Variants in AMPH observed in about 807,000 individuals in gnomAD.
AMPH encodes amphiphysin (Stiff-Mann syndrome with breast cancer 128kD autoantigen).
AMPH carries 49 observed loss-of-function variants against 99.1 expected under a neutral mutation model. That is an observed-to-expected ratio of 0.49 (90% confidence interval 0.39 to 0.63). The LOEUF is 0.63. Among genes scored for constraint, AMPH ranks in the 20% least tolerant of loss-of-function variants. The pLI is 0.00. For synonymous variants in AMPH, 314 were observed against 317.3 expected (o/e 0.99, Z 0.11); for missense variants, 759 against 863.4 (o/e 0.88, Z 1.52).
chr7:38,482,989 G>A (rs1017231378), intron 5 of AMPH, among the ~76,000 whole-genome samples: 2 of 152,020 alleles, frequency 1.3e-5, no homozygotes, highest in Non-Finnish European at 2.9e-5. Context: ...CTTAACCCTT[G>A]GCAAGTGCAA....
intron 2 of AMPH, among the ~76,000 whole-genome samples, chr7:38,523,107 TA>T (rs60807450): frequency 0.37 from 49,679 of 132,612 alleles, 9,018 homozygotes; most frequent in Non-Finnish European, 0.44. Context: ...AAACTCTGTC[TA>T]AAAAAAAAAA....
intron 3 of AMPH, among the ~76,000 whole-genome samples, chr7:38,497,057 G>A (rs1788958401): frequency 6.6e-6 from 1 of 152,188 alleles, no homozygotes. Context: ...GATAAGTGGT[G>A]ATGGATCATT....
chr7:38,538,678 C>A (rs143599894), intron 1 of AMPH, among the ~76,000 whole-genome samples: 13 of 152,132 alleles, frequency 8.5e-5, no homozygotes, highest in African/African-American at 3.1e-4. Flanking sequence ...AAGCAATAAA[C>A]GACAGAACCG....
At chr7:38,488,255 C>G (rs1229961908) in intron 5 of AMPH, among the ~76,000 whole-genome samples, 2 of 152,088 alleles carry the variant, frequency 1.3e-5, no homozygotes, top group African/African-American at 4.8e-5. Context: ...TTCACAACAG[C>G]AAAGACTTGG....
At chr7:38,566,542 C>T (rs1180195253) in intron 1 of AMPH, among the ~76,000 whole-genome samples, 1 of 152,088 alleles carries the variant, frequency 6.6e-6, no homozygotes, top group Non-Finnish European at 1.5e-5. Context: ...CCAAAATAGA[C>T]AAATGGGATC....
intron 2 of AMPH, among the ~76,000 whole-genome samples, chr7:38,517,115 T>C (rs1384732289): frequency 2.0e-5 from 3 of 152,232 alleles, no homozygotes; most frequent in Non-Finnish European, 2.9e-5. Flanking sequence ...GAGTTAATGC[T>C]GAAATGAGTT....
chr7:38,548,763 G>A (rs552562230), intron 1 of AMPH, among the ~76,000 whole-genome samples: 3 of 152,356 alleles, frequency 2.0e-5, no homozygotes, highest in African/African-American at 7.2e-5. Flanking sequence ...ACAAAAGATT[G>A]GTTGGACAAG....
intron 2 of AMPH, among the ~76,000 whole-genome samples, chr7:38,506,864 T>C (rs1789344494): frequency 6.6e-6 from 1 of 152,228 alleles, no homozygotes; most frequent in Non-Finnish European, 1.5e-5. Context: ...TGCTTTAGGA[T>C]TCTGCTGTAC....
At chr7:38,429,332 CCAGTCAG>C (rs1562748317) in intron 14 of AMPH, 1 of 1,288,584 alleles carries the variant, frequency 7.8e-7, no homozygotes, top group Non-Finnish European at 1.0e-6. Flanking sequence ...CTACAGTGGG[CCAGTCAG>C]CAGACGAAAG....
chr7:38,606,688 T>C (rs1793447965), intron 1 of AMPH, among the ~76,000 whole-genome samples: 1 of 149,518 alleles, frequency 6.7e-6, no homozygotes, highest in Non-Finnish European at 1.5e-5. Flanking sequence ...TCCTCCTGCC[T>C]CAGTCTCCTG....
chr7:38,468,821 T>C lies in AMPH; in HGVS notation c.591-2573A>G, dbSNP rs536716190. 1.4e-4 allele frequency among the ~76,000 whole-genome samples: 22 copies of C among 152,316 alleles called. No individual in the cohort carries two copies. The South Asian group carries it at 4.4e-3, about 30-fold the overall frequency. On this transcript the variant is annotated intron_variant, in intron 7 of 20. Transcript: ENST00000356264. ...ATTCCACTATAAGAGCATATTCCGA[T>C]GTGACCCTGGCTTGTAAAAACTTAA...
At chr7:38,497,937 G>A (rs1320990725) in intron 3 of AMPH, among the ~76,000 whole-genome samples, 1 of 152,176 alleles carries the variant, frequency 6.6e-6, no homozygotes, top group Admixed American at 6.5e-5. Flanking sequence ...TCCATTTAGA[G>A]AAAGATCTGG....
chr7:38,559,519 A>G (rs1334480582), intron 1 of AMPH, among the ~76,000 whole-genome samples: 1 of 152,236 alleles, frequency 6.6e-6, no homozygotes, highest in East Asian at 1.9e-4. Flanking sequence ...TCCCTGAGTC[A>G]GACTATATAG....
At chr7:38,436,236 T>C (rs920871534) in intron 12 of AMPH, 36 bp downstream of exon 12, 8 of 1,487,970 alleles carry the variant, frequency 5.4e-6, no homozygotes, top group South Asian at 2.3e-5. Context: ...CTGAGGTTTA[T>C]GAAATATCTC....
At chr7:38,495,292 T>C (rs1788888443) in intron 3 of AMPH, among the ~76,000 whole-genome samples, 1 of 152,150 alleles carries the variant, frequency 6.6e-6, no homozygotes, top group African/African-American at 2.4e-5. Flanking sequence ...CTTCTAATAT[T>C]GAACATTGAA....
chr7:38,387,613 A>G (rs1784383175), intron 20 of AMPH, among the ~76,000 whole-genome samples: 1 of 152,108 alleles, frequency 6.6e-6, no homozygotes. Flanking sequence ...TAGTGAAAGA[A>G]AAAGAACAGC....
intron 11 of AMPH, among the ~76,000 whole-genome samples, chr7:38,438,929 GCTCTGTGTC>G (rs1399774570): frequency 1.3e-5 from 2 of 152,176 alleles, no homozygotes; most frequent in Admixed American, 1.3e-4. Flanking sequence ...TTATAGTTTG[GCTCTGTGTC>G]CCCACTCAAA....
chr7:38,464,106 G>GA (rs1562772499), intron 9 of AMPH: 1 of 1,289,588 alleles, frequency 7.8e-7, no homozygotes, highest in South Asian at 1.2e-5. Flanking sequence ...TTCTGCAGAG[G>GA]AATGTTGAAA....
chr7:38,620,703 CT>C (rs915561020), intron 1 of AMPH, among the ~76,000 whole-genome samples: 47 of 151,828 alleles, frequency 3.1e-4, no homozygotes, highest in African/African-American at 9.2e-4. Flanking sequence ...TAAGGGCTTT[CT>C]TTTTTTTGGA....
Sources: gnomAD v4.1 joint callset for allele counts (sites outside exome capture counted in the v4.1 genomes callset) on GRCh38, gnomAD v4.1.1 for gene constraint, MANE v1.5 for transcripts, NCBI Gene and HGNC (gene_info 2026-07-23, HGNC 2026-07-21) for gene names.